SHISAL1: variants seen among roughly 807,000 people sequenced by gnomAD.
The protein encoded by SHISAL1 is shisa like 1.
Under a neutral mutation model 22.6 loss-of-function variants are expected in SHISAL1, and 9 were observed. That is an observed-to-expected ratio of 0.40 (90% CI 0.24 to 0.70). The LOEUF (loss-of-function observed/expected upper bound fraction) is 0.70, where lower values mean the gene tolerates loss of function less well. Ranked by LOEUF, SHISAL1 falls within the 30% of genes least tolerant of loss-of-function variation. The pLI, the probability that SHISAL1 is intolerant of heterozygous loss-of-function variation, is 0.39. For synonymous variants in SHISAL1, 119 were observed against 115.4 expected (o/e 1.03, Z -0.20); for missense variants, 246 against 270.6 (o/e 0.91, Z 0.64).
chr22:44,285,532 C>A lies in SHISAL1; in HGVS notation c.495G>T (p.Pro165=). The part of the protein sequence containing the change: ...APRPGQRAPQ[P]QPPPGPLPQA... The stretch of plus-strand genomic sequence containing the variant: ...GTGGCAGCGGGCCTGGGGGAGGCTG[C>A]GGCTGTGGGGCCCGCTGACCCGGCC... Residue 165 remains proline (P), a synonymous_variant, in exon 4 of 5, where the codon CCG becomes CCT. Coordinates refer to ENST00000381176, the MANE Select transcript of SHISAL1 (RefSeq NM_001099294.2). 1.2e-6 allele frequency: 2 copies of A among 1,613,104 alleles called. No homozygotes were observed. The highest frequency in any genetic ancestry group is 1.7e-6 in the Non-Finnish European group (2 of 1,179,374).
At chr22:44,267,061 G>A (rs893782187) in intron 4 of SHISAL1, among the ~76,000 whole-genome samples, 1 of 152,060 alleles carries the variant, frequency 6.6e-6, no homozygotes, top group Non-Finnish European at 1.5e-5. Context: ...TGGAGCCCAC[G>A]GATTGCACCT....
At chr22:44,276,695 T>C (rs953182482) in intron 4 of SHISAL1, among the ~76,000 whole-genome samples, 1 of 152,126 alleles carries the variant, frequency 6.6e-6, no homozygotes, top group African/African-American at 2.4e-5. Flanking sequence ...CCCACGTCTA[T>C]GGGACATCCA....
At position 44,285,385 on chromosome 22, in the gene SHISAL1, A is replaced by C. The variant is rs761359671; in HGVS notation, c.599+43T>G. On this transcript the variant is annotated intron_variant, in intron 4 of 4. Coordinates refer to ENST00000381176, the MANE Select transcript of SHISAL1 (RefSeq NM_001099294.2). ...GGCGTATTCTCCAAGCTCTCCAAAGACAATGACCCAAATCATTCTGGGTCT... is the reference window on the plus strand; with the variant it reads ...GGCGTATTCTCCAAGCTCTCCAAAGCCAATGACCCAAATCATTCTGGGTCT... The C allele has an allele frequency of 6.3e-6, 10 of 1,597,646 alleles. No homozygotes were observed. The South Asian group carries it at 8.9e-5, about 14-fold the overall frequency.
In SHISAL1 at chr22:44,261,823, G is replaced by A. The variant is rs2055126724; in HGVS notation, c.*-12138C>T. 2.0e-5 allele frequency among the ~76,000 whole-genome samples: 3 copies of A among 152,370 alleles called. No individual in the cohort carries two copies. In the South Asian group the frequency reaches 6.2e-4, roughly 32 times the overall value. On this transcript the variant is annotated intron_variant, in intron 4 of 4. Coordinates refer to ENST00000381176, the MANE Select transcript of SHISAL1 (RefSeq NM_001099294.2). ...AGCACTCGCCTGCCCTGATGCGGGGGTCATGTGTCCTCCTAGGCACTCTGC... is the reference window on the plus strand; with the variant it reads ...AGCACTCGCCTGCCCTGATGCGGGGATCATGTGTCCTCCTAGGCACTCTGC...
At position 44,296,896 on chromosome 22, in the gene SHISAL1, G is replaced by A; in HGVS notation, c.68-11C>T. The stretch of plus-strand genomic sequence containing the variant: ...AATGTGCAGACAAGACTGGAAGACA[G>A]AGTCACCAGGCTCAGAGGGGTCCCT... On this transcript the variant is annotated splice_polypyrimidine_tract_variant and intron_variant, in intron 2 of 4. Coordinates refer to ENST00000381176, the MANE Select transcript of SHISAL1 (RefSeq NM_001099294.2). The A allele has an allele frequency of 2.5e-6, 4 of 1,607,550 alleles. No homozygotes were observed. The highest frequency in any genetic ancestry group is 3.4e-6 in the Non-Finnish European group (4 of 1,176,220).
At chr22:44,291,743 C>G (rs1269928903) in intron 3 of SHISAL1, among the ~76,000 whole-genome samples, 1 of 152,142 alleles carries the variant, frequency 6.6e-6, no homozygotes, top group Non-Finnish European at 1.5e-5. Flanking sequence ...GATGCCACTC[C>G]CAGCCACCTC....
the SHISAL1 span, among the ~76,000 whole-genome samples, chr22:44,330,909 C>T: frequency 6.6e-6 from 1 of 152,030 alleles, no homozygotes; most frequent in Admixed American, 6.5e-5. Context: ...GGGGCACGCA[C>T]TTGGGAGGGG....
chr22:44,314,011 C>T (rs908588219), upstream of SHISAL1, among the ~76,000 whole-genome samples: 9 of 152,040 alleles, frequency 5.9e-5, no homozygotes, highest in Non-Finnish European at 1.2e-4. Flanking sequence ...TGCAGCCTGA[C>T]GGGGTAGGGG....
intron 4 of SHISAL1, among the ~76,000 whole-genome samples, chr22:44,275,685 C>A (rs777424395): frequency 2.6e-5 from 4 of 152,212 alleles, no homozygotes; most frequent in Non-Finnish European, 5.9e-5. Context: ...GACCTGGGTT[C>A]CAATTCTGAC....
chr22:44,292,712 G>A (rs973321040), intron 3 of SHISAL1, among the ~76,000 whole-genome samples: 1 of 152,040 alleles, frequency 6.6e-6, no homozygotes, highest in African/African-American at 2.4e-5. Context: ...TCAAGTCGTC[G>A]TCTGCCGCTG....
At chr22:44,260,609 A>G (rs135438) in intron 4 of SHISAL1, among the ~76,000 whole-genome samples, 98,535 of 152,110 alleles carry the variant, frequency 0.65, 32,071 homozygotes, top group South Asian at 0.69. Context: ...CTCCTTTACA[A>G]GCCATTCCCT....
At chr22:44,297,922 C>A (rs1293780844) in intron 2 of SHISAL1, among the ~76,000 whole-genome samples, 2 of 152,230 alleles carry the variant, frequency 1.3e-5, no homozygotes, top group African/African-American at 4.8e-5. Flanking sequence ...GGTTATTAGA[C>A]TGCAGCCCAC....
At chr22:44,258,767 T>A (rs1180330048) in intron 4 of SHISAL1, among the ~76,000 whole-genome samples, 1 of 152,190 alleles carries the variant, frequency 6.6e-6, no homozygotes, top group East Asian at 1.9e-4. Flanking sequence ...ACATATAATG[T>A]TGGGTCAAAG....
intron 4 of SHISAL1, among the ~76,000 whole-genome samples, chr22:44,264,944 G>A (rs1447259080): frequency 2.0e-5 from 3 of 151,664 alleles, no homozygotes; most frequent in Admixed American, 6.6e-5. Flanking sequence ...CTTGGACAAC[G>A]TCCCCAACAC....
chr22:44,304,311 G>A (rs942021192), intron 1 of SHISAL1, among the ~76,000 whole-genome samples: 4 of 152,322 alleles, frequency 2.6e-5, no homozygotes, highest in South Asian at 2.1e-4. Context: ...AAGGCCAAAC[G>A]CACAGTGCTC....
chr22:44,290,563 A>C (rs2055346394), intron 3 of SHISAL1, among the ~76,000 whole-genome samples: 1 of 149,036 alleles, frequency 6.7e-6, no homozygotes, highest in South Asian at 2.1e-4. Flanking sequence ...GGGAGTATGG[A>C]GCCCATTGGC....
chr22:44,298,899 CCCCGGCTGCCTT>C (rs2055406566), intron 2 of SHISAL1, among the ~76,000 whole-genome samples: 1 of 152,106 alleles, frequency 6.6e-6, no homozygotes, highest in African/African-American at 2.4e-5. Flanking sequence ...GATGAAGCCT[CCCCGGCTGCCTT>C]CCCGGAGCCA....
At chr22:44,317,945 C>T (rs566460387), upstream of SHISAL1, among the ~76,000 whole-genome samples, 5 of 152,388 alleles carry the variant, frequency 3.3e-5, no homozygotes, top group Admixed American at 3.3e-4. Context: ...GCACGGGGCC[C>T]TCTGACCTTC....
At chr22:44,302,022 A>G (rs775523913) in intron 1 of SHISAL1, among the ~76,000 whole-genome samples, 9 of 152,232 alleles carry the variant, frequency 5.9e-5, no homozygotes, top group Non-Finnish European at 1.3e-4. Flanking sequence ...AATTTACTCA[A>G]TGCCACTGAC....
Sources: allele counts gnomAD v4.1 joint callset (sites outside exome capture counted in the v4.1 genomes callset), GRCh38; gene constraint gnomAD v4.1.1; transcripts MANE v1.5; gene names NCBI Gene and HGNC (gene_info 2026-07-23, HGNC 2026-07-21).